B4GALT4: variants seen among roughly 807,000 people sequenced by gnomAD.
B4GALT4 encodes beta-1,4-galactosyltransferase 4, also known as N-acetyllactosamine synthase.
A neutral mutation model predicts 37.3 loss-of-function variants in B4GALT4; 27 were observed. That is an observed-to-expected ratio of 0.72 (90% CI 0.53 to 1.00). The LOEUF (loss-of-function observed/expected upper bound fraction) is 1.00, where lower values mean the gene tolerates loss of function less well. Among genes scored for constraint, B4GALT4 ranks in the 50% least tolerant of loss-of-function variants. B4GALT4 has a pLI of 0.00. For missense variants in B4GALT4, 372 were observed against 413.1 expected (o/e 0.90, Z 0.86); for synonymous variants, 148 against 154.1 (o/e 0.96, Z 0.29).
intron 4 of B4GALT4, among the ~76,000 whole-genome samples, chr3:119,226,210 A>G (rs890402575): frequency 6.6e-6 from 1 of 152,208 alleles, no homozygotes; most frequent in African/African-American, 2.4e-5. Flanking sequence ...CTGACCTCAG[A>G]GGTAAGCTCT....
rs562791032 is a variant in B4GALT4 at position 119,221,928 on chromosome 3, T to C, written c.674+2130A>G. On this transcript the variant is annotated intron_variant, in intron 5 of 7. Coordinates refer to ENST00000393765, the MANE Select transcript of B4GALT4 (RefSeq NM_003778.4). ...TTAGAAACAGCAAGAGTCATACATA[T>C]GCTGTTTCTCAGAGTGAGCGGCATC... is the stretch of plus-strand genomic sequence containing the variant. 8.5e-5 allele frequency among the ~76,000 whole-genome samples: 13 copies of C among 152,326 alleles called. No homozygotes were observed. In the East Asian group the frequency reaches 2.5e-3, roughly 29 times the overall value.
At chr3:119,220,685 AGAC>A (rs1284081791) in intron 5 of B4GALT4, among the ~76,000 whole-genome samples, 1 of 152,100 alleles carries the variant, frequency 6.6e-6, no homozygotes, top group Non-Finnish European at 1.5e-5. Context: ...GGGCAGAAGA[AGAC>A]AAGTCAGCAA....
chr3:119,232,691 C>G (rs2078860098), intron 2 of B4GALT4, among the ~76,000 whole-genome samples: 1 of 152,214 alleles, frequency 6.6e-6, no homozygotes, highest in South Asian at 2.1e-4. Context: ...TGGGGCCAAT[C>G]AGACAACCTC....
intron 5 of B4GALT4, 118 bp downstream of exon 5, chr3:119,223,940 A>T: frequency 1.8e-6 from 2 of 1,139,908 alleles, no homozygotes; most frequent in African/African-American, 1.6e-5. Flanking sequence ...TGCATACATT[A>T]TGGACCATTT....
chr3:119,239,325 CA>C lies in B4GALT4; in HGVS notation c.-364+1524del, dbSNP rs10684280. Among the ~76,000 whole-genome samples, 352 of 121,000 alleles carry C rather than the reference CA, an allele frequency of 2.9e-3. 1 individual carries two copies. The highest frequency in any genetic ancestry group is 0.02 in the South Asian group (72 of 3,524). The allele number at this position is 121,000 out of a possible 152,430, so 79.4% of individuals were successfully genotyped here. ...TGGGCCACAGAGCCAGATTCCATCT[CA>C]AAAAAAAAAAAAAAAATTATATTTT... On this transcript the variant is annotated intron_variant, in intron 1 of 7. Transcript: ENST00000393765.
At chr3:119,230,978 T>C (rs1020521292) in intron 2 of B4GALT4, among the ~76,000 whole-genome samples, 1 of 152,196 alleles carries the variant, frequency 6.6e-6, no homozygotes, top group Non-Finnish European at 1.5e-5. Flanking sequence ...AGCCTCAGTT[T>C]CCTTATCTGT....
In B4GALT4 at chr3:119,212,489, A is replaced by C; in HGVS notation, c.*60T>G. The stretch of plus-strand genomic sequence containing the variant: ...ATGTGTGCTACTATTTGAAGTCTCT[A>C]GGCCAAAATTATTGCAAACAAAGAA... On this transcript the variant is annotated 3_prime_UTR_variant, in exon 8 of 8. Coordinates refer to ENST00000393765, the MANE Select transcript of B4GALT4 (RefSeq NM_003778.4). 4.0e-6 allele frequency: 6 copies of C among 1,503,776 alleles called. No homozygotes were observed. The highest frequency in any genetic ancestry group is 1.4e-5 in the African/African-American group (1 of 71,602). 93.2% of individuals were successfully genotyped at this position (1,503,776 alleles called of 1,614,324 possible).
intron 1 of B4GALT4, chr3:119,240,634 G>C (rs1007711981): frequency 6.6e-6 from 1 of 152,176 alleles, no homozygotes; most frequent in East Asian, 1.9e-4. Context: ...CAGCACCTGA[G>C]CCGGTGCCTC....
intron 3 of B4GALT4, 131 bp from the exon 4 acceptor site, chr3:119,227,172 T>C (rs1206170385): frequency 1.3e-6 from 1 of 766,544 alleles, no homozygotes; most frequent in Non-Finnish European, 2.1e-6. Flanking sequence ...GCTTTTATTA[T>C]GATTACTTTA....
chr3:119,223,041 A>G (rs1167562766), intron 5 of B4GALT4, among the ~76,000 whole-genome samples: 1 of 152,240 alleles, frequency 6.6e-6, no homozygotes, highest in Non-Finnish European at 1.5e-5. Context: ...ACACTCACGT[A>G]GAGTACATAC....
intron 5 of B4GALT4, among the ~76,000 whole-genome samples, chr3:119,222,308 T>G (rs989567471): frequency 2.0e-5 from 3 of 152,172 alleles, no homozygotes; most frequent in Non-Finnish European, 4.4e-5. Flanking sequence ...CTTTCCTCAA[T>G]GCAGAAGTGA....
rs2078176638 is a variant in B4GALT4 at position 119,212,107 on chromosome 3, AAATG to A, written c.*438_*441del. On this transcript the variant is annotated 3_prime_UTR_variant, in exon 8 of 8. Transcript: ENST00000393765. ...CACTTCACAGATGATTGTACAGGAT[AAATG>A]AATAACAGTATTGTATCTTCGTACC... is the stretch of plus-strand genomic sequence containing the variant. 1.4e-6 allele frequency: 1 copy of A among 702,776 alleles called. No individual in the cohort carries two copies. The highest frequency in any genetic ancestry group is 1.7e-5 in the African/African-American group (1 of 57,260). 43.5% of individuals were successfully genotyped at this position (702,776 alleles called of 1,614,324 possible).
chr3:119,226,766 AGAG>A (rs1195229042), intron 4 of B4GALT4, 40 bp downstream of exon 4: 1 of 1,540,154 alleles, frequency 6.5e-7, no homozygotes, highest in South Asian at 1.1e-5. Context: ...CTGGCAGAGA[AGAG>A]GAGGGTCGAG....
At chr3:119,236,633 C>G (rs78241633) in intron 2 of B4GALT4, among the ~76,000 whole-genome samples, 2 of 152,070 alleles carry the variant, frequency 1.3e-5, no homozygotes, top group Non-Finnish European at 2.9e-5. Flanking sequence ...TAACAAATGA[C>G]GGACTAGGAT....
In B4GALT4 at chr3:119,212,574, G is replaced by A; in HGVS notation, c.1010C>T (p.Thr337Ile). ...VEHNPLYINI[T>I]VDFWFGA ...TCATGCACCAAACCAGAAATCCACT[G>A]TGATGTTGATATATAAAGGATTGTG... Residue 337 changes from threonine to isoleucine, a missense_variant, in exon 8 of 8, where the codon ACA (threonine) becomes ATA (isoleucine). By Grantham distance (89) the Thr-to-Ile change is moderately conservative (BLOSUM62 -1). Transcript: ENST00000393765. The A allele has an allele frequency of 6.2e-7, 1 of 1,606,706 alleles. No homozygotes were observed. Among genetic ancestry groups the A allele is most frequent in the Non-Finnish European group, 8.5e-7 (1 of 1,177,830 alleles).
intron 7 of B4GALT4, chr3:119,213,447 T>C (rs910478499): frequency 6.6e-6 from 1 of 152,170 alleles, no homozygotes; most frequent in Non-Finnish European, 1.5e-5. Context: ...TTCAGCTAAA[T>C]AAAGTCAGAG....
intron 6 of B4GALT4, among the ~76,000 whole-genome samples, chr3:119,218,419 C>T (rs895155439): frequency 6.6e-6 from 1 of 152,146 alleles, no homozygotes; most frequent in Non-Finnish European, 1.5e-5. Context: ...GTACATGAGG[C>T]CTCCACCAAC....
rs1267937057 is a variant in B4GALT4, at chr3:119,229,962, C to T, written c.138G>A (p.Glu46=). 1.2e-6 allele frequency: 2 copies of T among 1,614,172 alleles called. No individual in the cohort carries two copies. Among genetic ancestry groups the T allele is most frequent in the East Asian group, 2.2e-5 (1 of 44,884 alleles). ...GAIQEIPKAK[E]FMANFHKTLI... is the part of the protein sequence containing the mutation. ...GGGTCTTATGGAAATTAGCCATGAA[C>T]TCCTTTGCTTTAGGAATCTCTTGAA... The change falls in exon 3 of 8, where the codon GAG becomes GAA. Residue 46 remains glutamate (E), a synonymous_variant. Transcript: ENST00000393765.
Position 119,224,341 on chromosome 3 carries a change from T to C in B4GALT4, c.487-96A>G, listed in dbSNP as rs1399527176. On this transcript the variant is annotated intron_variant, in intron 4 of 7. Transcript: ENST00000393765. ...GATTCAGGAGATGGTATTATTCTAA[T>C]TATTCTACGCACGAGACTACACTTG... The C allele has an allele frequency of 4.5e-6, 4 of 895,696 alleles. No individual in the cohort carries two copies. In the African/African-American group the frequency reaches 5.2e-5, roughly 12 times the overall value. 55.5% of individuals were successfully genotyped at this position (895,696 alleles called of 1,614,324 possible).
Sources: gnomAD v4.1 joint callset for allele counts (sites outside exome capture counted in the v4.1 genomes callset) on GRCh38, gnomAD v4.1.1 for gene constraint, MANE v1.5 for transcripts, NCBI Gene and HGNC (gene_info 2026-07-23, HGNC 2026-07-21) for gene names.